SPOCK3: variants seen among roughly 807,000 people sequenced by gnomAD.
SPOCK3 encodes the protein testican-3.
A neutral mutation model predicts 56.6 loss-of-function variants in SPOCK3; 30 were observed. The ratio of observed to expected loss-of-function variants is 0.53; its 90% confidence interval spans 0.40 to 0.72. SPOCK3 has a LOEUF of 0.72. Ranked by LOEUF, SPOCK3 falls within the 30% of genes least tolerant of loss-of-function variation. SPOCK3 has a pLI of 0.00. For missense variants in SPOCK3, 527 were observed against 530.0 expected (o/e 0.99, Z 0.06); for synonymous variants, 196 against 183.3 (o/e 1.07, Z -0.56).
intron 3 of SPOCK3, among the ~76,000 whole-genome samples, chr4:167,044,076 T>A (rs1325660317): frequency 6.6e-6 from 1 of 152,014 alleles, no homozygotes; most frequent in Non-Finnish European, 1.5e-5. Context: ...GAGTTTCATA[T>A]TTTTTGTTTT....
At chr4:167,231,786 A>C (rs1166648654) in intron 2 of SPOCK3, among the ~76,000 whole-genome samples, 1 of 152,098 alleles carries the variant, frequency 6.6e-6, no homozygotes, top group African/African-American at 2.4e-5. Context: ...TCATCATGTT[A>C]ATAATAAGCA....
intron 2 of SPOCK3, among the ~76,000 whole-genome samples, chr4:167,205,367 ATT>A (rs1344134174): frequency 0.015 from 589 of 38,936 alleles, 8 homozygotes; most frequent in Middle Eastern, 0.036. Context: ...TATATTATAT[ATT>A]TTATATATAT....
intron 2 of SPOCK3, among the ~76,000 whole-genome samples, chr4:167,143,785 G>A (rs1763718528): frequency 6.6e-6 from 1 of 151,962 alleles, no homozygotes; most frequent in Admixed American, 6.6e-5. Flanking sequence ...AAACTTCAAT[G>A]TGAAACAGGC....
chr4:167,118,831 C>G (rs1761634811), intron 2 of SPOCK3, among the ~76,000 whole-genome samples: 2 of 152,150 alleles, frequency 1.3e-5, no homozygotes, highest in African/African-American at 4.8e-5. Context: ...CCTAAATACT[C>G]AGGGGTCAAT....
chr4:166,974,480 A>C (rs576811371), intron 4 of SPOCK3, among the ~76,000 whole-genome samples: 1 of 152,270 alleles, frequency 6.6e-6, no homozygotes, highest in African/African-American at 2.4e-5. Flanking sequence ...ATGTTTACAA[A>C]TTAATCCTCA....
At chr4:166,956,916 A>T (rs1234244964) in intron 4 of SPOCK3, among the ~76,000 whole-genome samples, 2 of 152,144 alleles carry the variant, frequency 1.3e-5, no homozygotes, top group African/African-American at 4.8e-5. Context: ...CACAGTGAGC[A>T]GCATCCCAAC....
intron 5 of SPOCK3, among the ~76,000 whole-genome samples, chr4:166,905,036 C>G (rs1054312301): frequency 5.3e-5 from 8 of 152,078 alleles, no homozygotes; most frequent in Admixed American, 2.6e-4. Context: ...TTATGGCTGA[C>G]ATGGGCTTCC....
chr4:166,743,789 G>T (rs1039833410), intron 8 of SPOCK3, among the ~76,000 whole-genome samples: 1 of 152,152 alleles, frequency 6.6e-6, no homozygotes, highest in African/African-American at 2.4e-5. Flanking sequence ...TTAGCAGATG[G>T]CACACCAGGA....
chr4:166,849,402 G>C (rs1164767485), intron 6 of SPOCK3, among the ~76,000 whole-genome samples: 1 of 151,834 alleles, frequency 6.6e-6, no homozygotes, highest in Non-Finnish European at 1.5e-5. Context: ...GTAATTGTGT[G>C]GTTTTTTTTT....
At chr4:167,188,147 C>G (rs1411289585) in intron 2 of SPOCK3, among the ~76,000 whole-genome samples, 1 of 146,194 alleles carries the variant, frequency 6.8e-6, no homozygotes, top group African/African-American at 2.6e-5. Context: ...TTTGAAGACT[C>G]ATGCACGAAA....
At chr4:166,974,682 G>T (rs1745757293) in intron 4 of SPOCK3, among the ~76,000 whole-genome samples, 1 of 152,072 alleles carries the variant, frequency 6.6e-6, no homozygotes, top group Non-Finnish European at 1.5e-5. Flanking sequence ...GTTTACAAAT[G>T]ATTTGCACAT....
At chr4:167,005,407 A>G (rs1020147777) in intron 3 of SPOCK3, among the ~76,000 whole-genome samples, 16 of 151,214 alleles carry the variant, frequency 1.1e-4, no homozygotes, top group African/African-American at 3.9e-4. Flanking sequence ...TAGAGATGGG[A>G]TTTCACCATG....
At chr4:167,204,197 T>C (rs1733800374) in intron 2 of SPOCK3, among the ~76,000 whole-genome samples, 1 of 151,980 alleles carries the variant, frequency 6.6e-6, no homozygotes, top group Non-Finnish European at 1.5e-5. Flanking sequence ...GGAATATAGA[T>C]GTCGTGGCAC....
At chr4:167,187,572 G>A (rs1370447407) in intron 2 of SPOCK3, among the ~76,000 whole-genome samples, 2 of 151,432 alleles carry the variant, frequency 1.3e-5, no homozygotes, top group Non-Finnish European at 2.9e-5. Context: ...GTCTTTTTTT[G>A]CTATTGTAAA....
At chr4:166,793,340 T>C (rs1741557946) in intron 6 of SPOCK3, among the ~76,000 whole-genome samples, 1 of 152,128 alleles carries the variant, frequency 6.6e-6, no homozygotes, top group South Asian at 2.1e-4. Flanking sequence ...TTCCTAGCTC[T>C]AAAGTAGGGG....
chr4:166,901,756 C>T lies in SPOCK3; in HGVS notation c.474+10864G>A, dbSNP rs559686113. The stretch of plus-strand genomic sequence containing the variant: ...ATAAGGTAGATCTGGATGATTTATG[C>T]GACGTGTCCAGGAGGTTGGTTCTGA... On this transcript the variant is annotated intron_variant, in intron 5 of 10. Coordinates refer to ENST00000357545, the MANE Select transcript of SPOCK3 (RefSeq NM_001040159.2). Among the ~76,000 whole-genome samples, 11 of 152,164 alleles carry T rather than the reference C, an allele frequency of 7.2e-5. No homozygotes were observed. The South Asian group carries it at 1.5e-3, about 20-fold the overall frequency.
chr4:167,138,684 G>T (rs1478119162), intron 2 of SPOCK3, among the ~76,000 whole-genome samples: 1 of 151,938 alleles, frequency 6.6e-6, no homozygotes, highest in Non-Finnish European at 1.5e-5. Flanking sequence ...GCTCCTTGCT[G>T]CAGTCCCACT....
chr4:166,826,856 G>A (rs969475399), intron 6 of SPOCK3, among the ~76,000 whole-genome samples: 4 of 151,926 alleles, frequency 2.6e-5, no homozygotes, highest in African/African-American at 7.2e-5. Context: ...TCTAGCCCTC[G>A]AAGAGGGCAA....
intron 4 of SPOCK3, among the ~76,000 whole-genome samples, chr4:166,922,371 A>G (rs1738594321): frequency 6.6e-6 from 1 of 152,210 alleles, no homozygotes; most frequent in Non-Finnish European, 1.5e-5. Flanking sequence ...AGTGATAAGG[A>G]CAATATAGAG....
Sources: gnomAD v4.1 joint callset for allele counts (sites outside exome capture counted in the v4.1 genomes callset) on GRCh38, gnomAD v4.1.1 for gene constraint, MANE v1.5 for transcripts, NCBI Gene and HGNC (gene_info 2026-07-23, HGNC 2026-07-21) for gene names.